The following WWP1 variants were observed in gnomAD, a reference collection of about 807,000 sequenced individuals.
WWP1 encodes NEDD4-like E3 ubiquitin-protein ligase WWP1.
Under a neutral mutation model 130.6 loss-of-function variants are expected in WWP1, and 49 were observed. The observed-to-expected ratio is 0.38, with a 90% CI of 0.30 to 0.48. WWP1 has a LOEUF of 0.48. Among genes scored for constraint, WWP1 ranks in the 20% least tolerant of loss-of-function variants. WWP1 has a pLI of 0.99. For synonymous variants in WWP1, 332 were observed against 367.8 expected (o/e 0.90, Z 1.11); for missense variants, 809 against 1,100.6 (o/e 0.74, Z 3.75).
rs1278922370 is a variant in WWP1, at chr8:86,436,545, GA to G, written c.1749+842del. 2.4e-3 allele frequency among the ~76,000 whole-genome samples: 372 copies of G among 152,292 alleles called. 1 individual carries two copies. The highest frequency in any genetic ancestry group is 4.1e-3 in the Non-Finnish European group (281 of 68,030). ...TTCCTTACTAGAATGTGAGCTCCAT[GA>G]GAGCAGGGACTATTGGTTTACTGCT... On this transcript the variant is annotated intron_variant, in intron 16 of 24. Coordinates refer to ENST00000517970, the MANE Select transcript of WWP1 (RefSeq NM_007013.4).
At chr8:86,405,292 G>T (rs1408363463) in intron 8 of WWP1, among the ~76,000 whole-genome samples, 5 of 149,938 alleles carry the variant, frequency 3.3e-5, no homozygotes, top group African/African-American at 1.2e-4. Flanking sequence ...TTAATCTGCA[G>T]TTCCACAATC....
At chr8:86,387,623 C>T (rs1415335664) in intron 5 of WWP1, among the ~76,000 whole-genome samples, 1 of 152,112 alleles carries the variant, frequency 6.6e-6, no homozygotes, top group Non-Finnish European at 1.5e-5. Flanking sequence ...AGCAATTCTC[C>T]CACCTCAGCC....
intron 14 of WWP1, among the ~76,000 whole-genome samples, chr8:86,434,785 G>T (rs1163691348): frequency 6.6e-6 from 1 of 152,118 alleles, no homozygotes; most frequent in Admixed American, 6.6e-5. Context: ...TTGAGTAAGT[G>T]AATTCACTTG....
At chr8:86,462,139 G>A (rs1426840915) in intron 24 of WWP1, among the ~76,000 whole-genome samples, 2 of 152,080 alleles carry the variant, frequency 1.3e-5, no homozygotes, top group Non-Finnish European at 2.9e-5. Flanking sequence ...CCATGGTGGG[G>A]CACAAATGAC....
At chr8:86,452,062 A>G (rs1811202376) in intron 20 of WWP1, among the ~76,000 whole-genome samples, 2 of 151,432 alleles carry the variant, frequency 1.3e-5, no homozygotes, top group South Asian at 2.1e-4. Context: ...GCCTGTGAAC[A>G]TATGGTCATT....
chr8:86,361,974 G>GTGTA (rs1197860240), intron 1 of WWP1, among the ~76,000 whole-genome samples: 2,824 of 127,598 alleles, frequency 0.022, 47 homozygotes, highest in Non-Finnish European at 0.033. Context: ...GTGTGTGTGT[G>GTGTA]TATATATATA....
At chr8:86,415,642 A>G (rs1380146696) in intron 9 of WWP1, among the ~76,000 whole-genome samples, 2 of 152,232 alleles carry the variant, frequency 1.3e-5, no homozygotes, top group African/African-American at 4.8e-5. Context: ...GATACAGAAC[A>G]TTAATATCAC....
intron 2 of WWP1, among the ~76,000 whole-genome samples, chr8:86,369,378 A>C (rs17681826): frequency 6.6e-6 from 1 of 152,076 alleles, no homozygotes; most frequent in African/African-American, 2.4e-5. Flanking sequence ...TTTTTTAACT[A>C]TCTCTCATGG....
chr8:86,451,320 C>T (rs142990880), intron 20 of WWP1, among the ~76,000 whole-genome samples: 166 of 140,922 alleles, frequency 1.2e-3, no homozygotes, highest in Middle Eastern at 4.2e-3. Context: ...GCAGAATTGA[C>T]GTATTAAGGG....
intron 16 of WWP1, among the ~76,000 whole-genome samples, chr8:86,435,969 G>T (rs1270248344): frequency 1.3e-5 from 2 of 152,124 alleles, no homozygotes; most frequent in African/African-American, 4.8e-5. Flanking sequence ...AAAATGCTGG[G>T]ATTACAGGCT....
chr8:86,354,190 A>C (rs1823121228), intron 1 of WWP1, among the ~76,000 whole-genome samples: 1 of 152,242 alleles, frequency 6.6e-6, no homozygotes, highest in South Asian at 2.1e-4. Context: ...TGTGTGACTT[A>C]AACCTGGCAC....
intron 21 of WWP1, among the ~76,000 whole-genome samples, chr8:86,455,679 C>A (rs773396260): frequency 6.6e-6 from 1 of 151,800 alleles, no homozygotes; most frequent in Non-Finnish European, 1.5e-5. Context: ...AAGAGATATA[C>A]GATGTTATAT....
intron 1 of WWP1, among the ~76,000 whole-genome samples, chr8:86,344,506 G>A (rs373364659): frequency 5.3e-5 from 8 of 152,286 alleles, no homozygotes; most frequent in African/African-American, 1.9e-4. Flanking sequence ...GAACCGATTA[G>A]CAATTTCTGC....
intron 1 of WWP1, among the ~76,000 whole-genome samples, chr8:86,351,589 A>G (rs1223625860): frequency 3.3e-5 from 5 of 150,862 alleles, no homozygotes; most frequent in Non-Finnish European, 7.4e-5. Context: ...TCGACCTCCC[A>G]TAGTGCTGGG....
chr8:86,380,580 A>G, intron 3 of WWP1, 146 bp from the exon 4 acceptor site: 1 of 842,186 alleles, frequency 1.2e-6, no homozygotes, highest in South Asian at 2.6e-5. Flanking sequence ...AAGCATTATC[A>G]GTAGCCCTTT....
intron 22 of WWP1, among the ~76,000 whole-genome samples, chr8:86,460,441 A>G (rs958417359): frequency 6.6e-6 from 1 of 152,170 alleles, no homozygotes; most frequent in Admixed American, 6.5e-5. Context: ...CCATTTCCTT[A>G]TATGTACAGT....
intron 24 of WWP1, 56 bp downstream of exon 24, chr8:86,461,902 G>GT (rs1470201018): frequency 1.2e-5 from 18 of 1,465,736 alleles, no homozygotes; most frequent in African/African-American, 1.4e-5. Flanking sequence ...CTTTTGTTTT[G>GT]TTTTTTTAAA....
At chr8:86,399,526 TTAATC>T (rs1206004281) in intron 7 of WWP1, among the ~76,000 whole-genome samples, 2 of 152,256 alleles carry the variant, frequency 1.3e-5, no homozygotes, top group African/African-American at 4.8e-5. Flanking sequence ...GTGACTTTTA[TTAATC>T]TATAGTTACT....
chr8:86,406,958 G>A (rs1808312887), intron 8 of WWP1, among the ~76,000 whole-genome samples: 2 of 152,138 alleles, frequency 1.3e-5, no homozygotes, highest in African/African-American at 4.8e-5. Context: ...AATACGTGGT[G>A]CTTTGAGATG....
Sources: allele counts gnomAD v4.1 joint callset (sites outside exome capture counted in the v4.1 genomes callset), GRCh38; gene constraint gnomAD v4.1.1; transcripts MANE v1.5; gene names NCBI Gene and HGNC (gene_info 2026-07-23, HGNC 2026-07-21).